The following CACNA2D1 variants were observed in gnomAD, a reference collection of about 807,000 sequenced individuals.
CACNA2D1 encodes calcium voltage-gated channel auxiliary subunit alpha2delta 1, also known as voltage-dependent calcium channel subunit alpha-2/delta-1.
In CACNA2D1, 53 loss-of-function variants were observed where a neutral mutation model predicts 171.5. The observed-to-expected ratio is 0.31, with a 90% CI of 0.25 to 0.39. The LOEUF (loss-of-function observed/expected upper bound fraction) is 0.39, where lower values mean the gene tolerates loss of function less well. CACNA2D1 is among the 10% of genes least tolerant of loss of function. The pLI is 1.00. For synonymous variants in CACNA2D1, 442 were observed against 443.1 expected (o/e 1.00, Z 0.03); for missense variants, 903 against 1,299.8 (o/e 0.69, Z 4.69).
intron 3 of CACNA2D1, among the ~76,000 whole-genome samples, chr7:82,257,419 C>T (rs571086590): frequency 3.9e-5 from 6 of 152,278 alleles, no homozygotes; most frequent in South Asian, 2.1e-4. Context: ...AAAATGCATA[C>T]GCATCTTGGG....
chr7:82,358,610 G>GA (rs1179239563), intron 1 of CACNA2D1, among the ~76,000 whole-genome samples: 1 of 151,654 alleles, frequency 6.6e-6, no homozygotes, highest in Admixed American at 6.6e-5. Context: ...TTGAGAGTAG[G>GA]AAAAAAGACT....
chr7:82,431,020 T>A (rs1829629764), intron 1 of CACNA2D1, among the ~76,000 whole-genome samples: 1 of 152,152 alleles, frequency 6.6e-6, no homozygotes, highest in African/African-American at 2.4e-5. Context: ...GCACATCAAA[T>A]GCTTTGTGGT....
intron 38 of CACNA2D1, among the ~76,000 whole-genome samples, chr7:81,956,114 C>T (rs780878885): frequency 2.0e-5 from 3 of 150,156 alleles, no homozygotes; most frequent in Non-Finnish European, 3.0e-5. Flanking sequence ...CAGCCTCTGG[C>T]GTAGCTGGGA....
chr7:82,315,677 T>G (rs1815028904), intron 3 of CACNA2D1, among the ~76,000 whole-genome samples: 1 of 152,084 alleles, frequency 6.6e-6, no homozygotes, highest in African/African-American at 2.4e-5. Context: ...ACCTGCTACA[T>G]GCAAATTAAA....
chr7:82,109,805 T>C (rs1221710909), intron 6 of CACNA2D1, among the ~76,000 whole-genome samples: 2 of 152,190 alleles, frequency 1.3e-5, no homozygotes, highest in African/African-American at 4.8e-5. Flanking sequence ...ACTTACTGCA[T>C]GCAATCCTCA....
At position 81,949,652 on chromosome 7, in the gene CACNA2D1, G is replaced by A. The variant is rs575070539; in HGVS notation, c.*740C>T. ...CATTACATCAAAGCATTTATTAAGGGCTTGCTTACATTTATGAGGAAATAT... is the reference window on the plus strand; with the variant it reads ...CATTACATCAAAGCATTTATTAAGGACTTGCTTACATTTATGAGGAAATAT... On this transcript the variant is annotated 3_prime_UTR_variant, in exon 39 of 39. Transcript: ENST00000356860. The A allele has an allele frequency of 2.0e-5, 3 of 152,174 alleles. No individual in the cohort carries two copies. The East Asian group carries it at 5.8e-4, about 29-fold the overall frequency. 9.4% of individuals were successfully genotyped at this position (152,174 alleles called of 1,614,324 possible).
intron 1 of CACNA2D1, among the ~76,000 whole-genome samples, chr7:82,354,858 GA>G (rs1355005568): frequency 1.3e-5 from 2 of 151,620 alleles, no homozygotes; most frequent in East Asian, 3.9e-4. Context: ...AAGGCAAGTT[GA>G]AAGTCCTGAC....
At chr7:82,202,850 C>A (rs1799607396) in intron 3 of CACNA2D1, among the ~76,000 whole-genome samples, 1 of 152,030 alleles carries the variant, frequency 6.6e-6, no homozygotes, top group South Asian at 2.1e-4. Context: ...CAGAGGTCCT[C>A]CCAGAGGAGA....
chr7:82,373,000 C>T (rs1289007186), intron 1 of CACNA2D1, among the ~76,000 whole-genome samples: 6 of 152,146 alleles, frequency 3.9e-5, no homozygotes, highest in Non-Finnish European at 5.9e-5. Flanking sequence ...GCCTGGCCAA[C>T]ATGGTGAAAC....
chr7:81,951,126 TAGAG>T (rs911210515), intron 38 of CACNA2D1, among the ~76,000 whole-genome samples: 3 of 152,068 alleles, frequency 2.0e-5, no homozygotes, highest in Non-Finnish European at 2.9e-5. Context: ...ATATCCAAAA[TAGAG>T]AGCTAAGCTA....
chr7:82,197,830 C>T (rs1052294335), intron 3 of CACNA2D1, among the ~76,000 whole-genome samples: 4 of 143,180 alleles, frequency 2.8e-5, no homozygotes, highest in Middle Eastern at 6.9e-3. Flanking sequence ...CACACACTAC[C>T]ATGTGTTTTA....
intron 8 of CACNA2D1, among the ~76,000 whole-genome samples, chr7:82,064,576 A>C (rs1807372160): frequency 6.6e-6 from 1 of 152,130 alleles, no homozygotes; most frequent in African/African-American, 2.4e-5. Flanking sequence ...AATATTTAAC[A>C]TTTTTTGATA....
Position 82,038,175 on chromosome 7 carries a change from T to G in CACNA2D1, c.940A>C (p.Asn314His). 6.2e-7 allele frequency: 1 copy of G among 1,613,772 alleles called. No individual in the cohort carries two copies. Among genetic ancestry groups the G allele is most frequent in the Non-Finnish European group, 8.5e-7 (1 of 1,179,830 alleles). The change falls in exon 11 of 39, where the codon AAT becomes CAT. Residue 314 changes from asparagine to histidine, a missense_variant. Asn to His is a moderately conservative substitution (Grantham distance 68, BLOSUM62 1). Coordinates refer to ENST00000356860, the MANE Select transcript of CACNA2D1 (RefSeq NM_000722.4). ...ACCGCGTCTTTCAACACTTTTTTATTTCTTACATTTGCTTGGACAAGGTGC... is the reference window on the plus strand; with the variant it reads ...ACCGCGTCTTTCAACACTTTTTTATGTCTTACATTTGCTTGGACAAGGTGC... The part of the protein sequence containing the change: ...FQHLVQANVR[N>H]KKVLKDAVNN...
intron 5 of CACNA2D1, among the ~76,000 whole-genome samples, chr7:82,121,752 A>G (rs936789849): frequency 1.8e-5 from 2 of 113,686 alleles, no homozygotes; most frequent in African/African-American, 8.0e-5. Flanking sequence ...ATGAATAGAA[A>G]TATTGTTCTT....
At chr7:82,199,242 A>ATAG (rs1309267375) in intron 3 of CACNA2D1, among the ~76,000 whole-genome samples, 2 of 152,148 alleles carry the variant, frequency 1.3e-5, no homozygotes, top group Non-Finnish European at 2.9e-5. Context: ...ATGTGTGTTC[A>ATAG]GTTTGTGAGC....
intron 5 of CACNA2D1, among the ~76,000 whole-genome samples, chr7:82,131,277 T>C (rs2129070221): frequency 6.6e-6 from 1 of 152,302 alleles, no homozygotes; most frequent in Non-Finnish European, 1.5e-5. Flanking sequence ...AATCACAGGC[T>C]GCCCACTGAT....
chr7:82,055,992 T>A (rs1278160914), intron 10 of CACNA2D1, among the ~76,000 whole-genome samples: 10 of 27,414 alleles, frequency 3.6e-4, no homozygotes, highest in African/African-American at 6.2e-4. Context: ...TACATGACAA[T>A]AAACCTACTC....
chr7:81,999,412 T>A (rs1254031228), intron 18 of CACNA2D1, among the ~76,000 whole-genome samples: 1 of 152,184 alleles, frequency 6.6e-6, no homozygotes, highest in African/African-American at 2.4e-5. Flanking sequence ...ATACCTAGTA[T>A]TTCTCATTTG....
At position 82,192,523 on chromosome 7, in the gene CACNA2D1, G is replaced by C. The variant is rs1585057003; in HGVS notation, c.295-21914C>G. Among the ~76,000 whole-genome samples the C allele has an allele frequency of 4.9e-5, 7 of 143,540 alleles. 1 individual carries two copies. Among genetic ancestry groups the C allele is most frequent in the Admixed American group, 3.6e-4 (5 of 13,950 alleles). 94.2% of individuals were successfully genotyped at this position (143,540 alleles called of 152,430 possible). On this transcript the variant is annotated intron_variant, in intron 3 of 38. Transcript: ENST00000356860. Reference sequence around the variant, plus strand: ...GTGTGTGTGTGTGAATATAGAGACAGGTAAAAAGAATCAAGGGTCAATCCT... The same window carrying C: ...GTGTGTGTGTGTGAATATAGAGACACGTAAAAAGAATCAAGGGTCAATCCT...
Sources: gnomAD v4.1 joint callset for allele counts (sites outside exome capture counted in the v4.1 genomes callset) on GRCh38, gnomAD v4.1.1 for gene constraint, MANE v1.5 for transcripts, NCBI Gene and HGNC (gene_info 2026-07-23, HGNC 2026-07-21) for gene names.